Variants in ROS1 observed in about 807,000 individuals in gnomAD.
The protein encoded by ROS1 is ROS proto-oncogene 1, receptor tyrosine kinase, also known as proto-oncogene tyrosine-protein kinase ROS.
A neutral mutation model predicts 273.5 loss-of-function variants in ROS1; 263 were observed. The observed-to-expected ratio is 0.96, with a 90% CI of 0.87 to 1.06. The LOEUF (loss-of-function observed/expected upper bound fraction) is 1.06, where lower values mean the gene tolerates loss of function less well. Among genes scored for constraint, ROS1 ranks in the 50% least tolerant of loss-of-function variants. The probability of loss-of-function intolerance (pLI) is 0.00; values close to 1 mark genes in which losing one functional copy is unlikely to be tolerated. For missense variants in ROS1, 2,833 were observed against 2,751.1 expected (o/e 1.03, Z -0.67); for synonymous variants, 1,008 against 954.1 (o/e 1.06, Z -1.04).
chr6:117,331,880 C>T (rs1162089585), intron 32 of ROS1, among the ~76,000 whole-genome samples: 1 of 152,150 alleles, frequency 6.6e-6, no homozygotes, highest in Non-Finnish European at 1.5e-5. Flanking sequence ...CCAGCCATTG[C>T]AAAAACACAC....
chr6:117,366,344 G>C, intron 18 of ROS1, 54 bp from the exon 19 acceptor site: 8 of 1,217,990 alleles, frequency 6.6e-6, no homozygotes, highest in Admixed American at 1.7e-5. Context: ...GGAAGGGCTG[G>C]TCCATGCAAG....
At chr6:117,347,030 G>A (rs1173682682) in intron 27 of ROS1, among the ~76,000 whole-genome samples, 1 of 152,052 alleles carries the variant, frequency 6.6e-6, no homozygotes, top group Non-Finnish European at 1.5e-5. Context: ...TCAATACTGT[G>A]ATAGCTACCT....
At chr6:117,316,960 A>G (rs891198641) in intron 39 of ROS1, among the ~76,000 whole-genome samples, 183 bp downstream of exon 39, 1 of 152,124 alleles carries the variant, frequency 6.6e-6, no homozygotes, top group African/African-American at 2.4e-5. Flanking sequence ...ATGACCAGAA[A>G]GTGCCAGAAT....
intron 23 of ROS1, 152 bp downstream of exon 23, chr6:117,360,190 G>C: frequency 1.3e-6 from 1 of 751,108 alleles, no homozygotes; most frequent in Non-Finnish European, 2.1e-6. Context: ...AACATATTTT[G>C]GTGGTGTGTT....
intron 8 of ROS1, 44 bp downstream of exon 8, chr6:117,396,871 C>A: frequency 7.5e-7 from 1 of 1,341,942 alleles, no homozygotes; most frequent in South Asian, 1.2e-5. Context: ...ATCATGCCTG[C>A]AGCCATGCTG....
chr6:117,365,592 C>T lies in ROS1; in HGVS notation c.2947G>A (p.Ala983Thr). 2 of 1,612,980 alleles carry T rather than the reference C, an allele frequency of 1.2e-6. No individual in the cohort carries two copies. Among genetic ancestry groups the T allele is most frequent in the Non-Finnish European group, 1.7e-6 (2 of 1,179,060 alleles). Residue 983 changes from alanine (A) to threonine (T), a missense_variant, in exon 20 of 44, where the codon GCT (alanine) becomes ACT (threonine). By Grantham distance (58) the Ala-to-Thr change is moderately conservative (BLOSUM62 0). Coordinates refer to ENST00000368507, the MANE Select transcript of ROS1 (RefSeq NM_001378902.1). ...AACCAACACCATACCTTAGAATGAG[C>T]ACTAAATTCTACACTGTAGAAAACT... is the stretch of plus-strand genomic sequence containing the variant. ...GVVFYSVEFS[A>T]HSKFLASEQH...
intron 43 of ROS1, among the ~76,000 whole-genome samples, chr6:117,295,839 A>C (rs1488383578): frequency 6.6e-6 from 1 of 152,234 alleles, no homozygotes; most frequent in Non-Finnish European, 1.5e-5. Flanking sequence ...GACAGGCAAG[A>C]CAAATGCTAG....
In ROS1 at chr6:117,390,944, G is replaced by C. The variant is rs1163602760; in HGVS notation, c.1290-1098C>G. Among the ~76,000 whole-genome samples the C allele has an allele frequency of 2.0e-5, 3 of 152,164 alleles. No individual in the cohort carries two copies. In the South Asian group the frequency reaches 6.2e-4, roughly 32 times the overall value. ...ACTAAAATATAAAACCATTAATGTG[G>C]ATGTAGCTAATTTACAATTCGTGAT... On this transcript the variant is annotated intron_variant, in intron 12 of 43. Coordinates refer to ENST00000368507, the MANE Select transcript of ROS1 (RefSeq NM_001378902.1).
At chr6:117,317,046 G>A (rs1775970088) in intron 39 of ROS1, 97 bp downstream of exon 39, 2 of 1,280,320 alleles carry the variant, frequency 1.6e-6, no homozygotes, top group African/African-American at 3.0e-5. Context: ...GTCTTCTAAG[G>A]TTTTACCACT....
chr6:117,336,732 T>C (rs909488475), intron 32 of ROS1, among the ~76,000 whole-genome samples: 33 of 152,160 alleles, frequency 2.2e-4, no homozygotes, highest in African/African-American at 7.7e-4. Context: ...TGGTTCTAGA[T>C]CTTTGTTCCT....
Position 117,347,565 on chromosome 6 carries a change from A to G in ROS1, c.4304-3303T>C, listed in dbSNP as rs77413339. ...CAGTATACCTTTTCTTGTATTGTAT[A>G]CCTTTTCTTGTATTGTTGCATGCTG... On this transcript the variant is annotated intron_variant, in intron 27 of 43. Transcript: ENST00000368507. Among the ~76,000 whole-genome samples the G allele has an allele frequency of 2.4e-3, 372 of 152,080 alleles. 1 individual carries two copies. The highest frequency in any genetic ancestry group is 8.6e-3 in the African/African-American group (357 of 41,540).
Position 117,397,390 on chromosome 6 carries a change from T to TA in ROS1, c.605-275dup, listed in dbSNP as rs539310573. ...TATACGAATACAATAATGGCCCTTT[T>TA]AAAAAAAGTCATCAGGAATCTCTAG... On this transcript the variant is annotated intron_variant, in intron 7 of 43. Transcript: ENST00000368507. Among the ~76,000 whole-genome samples, 29 of 152,122 alleles carry TA rather than the reference T, an allele frequency of 1.9e-4. No individual in the cohort carries two copies. The South Asian group carries it at 4.6e-3, about 24-fold the overall frequency.
chr6:117,321,122 G>C, intron 36 of ROS1, 137 bp downstream of exon 36: 1 of 864,514 alleles, frequency 1.2e-6, no homozygotes, highest in Non-Finnish European at 1.7e-6. Context: ...GAGTGGAAGA[G>C]GAAGTTATTA....
chr6:117,305,306 A>C (rs1057337931), intron 42 of ROS1, among the ~76,000 whole-genome samples: 4 of 152,208 alleles, frequency 2.6e-5, no homozygotes, highest in Admixed American at 2.0e-4. Context: ...AAAAAGAAGA[A>C]GGAAGAGGAG....
intron 43 of ROS1, among the ~76,000 whole-genome samples, chr6:117,292,768 C>T (rs1773933882): frequency 6.6e-6 from 1 of 152,214 alleles, no homozygotes; most frequent in Non-Finnish European, 1.5e-5. Flanking sequence ...CCAGGAATAG[C>T]GTTGATTTTT....
intron 38 of ROS1, 100 bp from the exon 39 acceptor site, chr6:117,317,372 T>C: frequency 7.5e-7 from 1 of 1,334,974 alleles, no homozygotes. Flanking sequence ...ATAGTTTCCT[T>C]CAAAACCCCT....
chr6:117,406,562 ATAAT>A (rs1475080848), intron 5 of ROS1, among the ~76,000 whole-genome samples: 1 of 152,216 alleles, frequency 6.6e-6, no homozygotes, highest in Non-Finnish European at 1.5e-5. Flanking sequence ...ACAGAATTGT[ATAAT>A]TAAGTTGGTA....
At chr6:117,416,617 T>C (rs114617893) in intron 2 of ROS1, among the ~76,000 whole-genome samples, 2 of 152,254 alleles carry the variant, frequency 1.3e-5, no homozygotes, top group African/African-American at 4.8e-5. Context: ...GAAGACACCG[T>C]ACACTGGGTA....
chr6:117,389,679 A>T lies in ROS1; in HGVS notation c.1457T>A (p.Phe486Tyr). The T allele has an allele frequency of 6.2e-7, 1 of 1,614,230 alleles. No homozygotes were observed. The highest frequency in any genetic ancestry group is 8.5e-7 in the Non-Finnish European group (1 of 1,180,026). Residue 486 changes from phenylalanine to tyrosine, a missense_variant, in exon 13 of 44, where the codon TTC becomes TAC. Coordinates refer to ENST00000368507, the MANE Select transcript of ROS1 (RefSeq NM_001378902.1). ...IIYFNDTAQV[F>Y]MSTFLDGSAS... ...AGAGCCATCCAGAAATGTTGACATG[A>T]AGACTTGGGCAGTGTCATTGAAGTA...
Sources: gnomAD v4.1 joint callset for allele counts (sites outside exome capture counted in the v4.1 genomes callset) on GRCh38, gnomAD v4.1.1 for gene constraint, MANE v1.5 for transcripts, NCBI Gene and HGNC (gene_info 2026-07-23, HGNC 2026-07-21) for gene names.